The following KSR2 variants were observed in gnomAD, a reference collection of about 807,000 sequenced individuals.
The protein encoded by KSR2 is kinase suppressor of ras 2.
KSR2 carries 25 observed loss-of-function variants against 107.8 expected under a neutral mutation model. The ratio of observed to expected loss-of-function variants is 0.23; its 90% CI spans 0.17 to 0.32. The LOEUF (loss-of-function observed/expected upper bound fraction) is 0.32. Among genes scored for constraint, KSR2 ranks in the 10% least tolerant of loss-of-function variants. The probability of loss-of-function intolerance (pLI) is 1.00; values close to 1 mark genes in which losing one functional copy is unlikely to be tolerated. For missense variants in KSR2, 887 were observed against 1,268.9 expected (o/e 0.70, Z 4.57); for synonymous variants, 480 against 507.0 (o/e 0.95, Z 0.71).
intron 4 of KSR2, among the ~76,000 whole-genome samples, chr12:117,689,656 T>G (rs989146639): frequency 2.6e-5 from 4 of 152,146 alleles, no homozygotes; most frequent in Admixed American, 6.5e-5. Context: ...CCAAGATACA[T>G]TGATTTATGA....
intron 16 of KSR2, among the ~76,000 whole-genome samples, chr12:117,483,328 A>G (rs982246411): frequency 6.6e-6 from 1 of 152,114 alleles, no homozygotes; most frequent in Non-Finnish European, 1.5e-5. Flanking sequence ...ATATAACACA[A>G]ACAAGATTCA....
chr12:117,939,961 AC>A (rs1895960298), intron 1 of KSR2, among the ~76,000 whole-genome samples: 1 of 151,440 alleles, frequency 6.6e-6, no homozygotes, highest in Non-Finnish European at 1.5e-5. Context: ...ACACACACAC[AC>A]ACACACACAC....
rs150283519 is a variant in KSR2, at chr12:117,538,203, G to A, written c.1687+1516C>T. On this transcript the variant is annotated intron_variant, in intron 10 of 19. Transcript: ENST00000339824. Reference sequence around the variant, plus strand: ...CTGTGGAAGTGCCGGGCAATGAATCGGTGGCATTTACTAAGACGATTCAGC... The same window carrying A: ...CTGTGGAAGTGCCGGGCAATGAATCAGTGGCATTTACTAAGACGATTCAGC... 3.8e-3 allele frequency among the ~76,000 whole-genome samples: 585 copies of A among 152,200 alleles called. 8 individuals are homozygous for A. Among genetic ancestry groups the A allele is most frequent in the African/African-American group, 0.014 (562 of 41,522 alleles).
intron 7 of KSR2, among the ~76,000 whole-genome samples, chr12:117,570,723 C>T (rs543355921): frequency 3.3e-5 from 5 of 152,282 alleles, no homozygotes; most frequent in Admixed American, 2.6e-4. Context: ...TCATTATTAT[C>T]GGGGCATGAA....
At chr12:117,752,323 T>C (rs1442971163) in intron 4 of KSR2, among the ~76,000 whole-genome samples, 4 of 152,144 alleles carry the variant, frequency 2.6e-5, no homozygotes, top group Non-Finnish European at 5.9e-5. Flanking sequence ...CACAGCGACA[T>C]GTACCAAGGA....
intron 7 of KSR2, among the ~76,000 whole-genome samples, chr12:117,570,648 G>A (rs1305325626): frequency 6.6e-6 from 1 of 152,116 alleles, no homozygotes; most frequent in Non-Finnish European, 1.5e-5. Flanking sequence ...TATAAAGTCG[G>A]GTTTTGCAAC....
At chr12:117,817,964 G>A (rs1280261212) in intron 3 of KSR2, among the ~76,000 whole-genome samples, 1 of 152,146 alleles carries the variant, frequency 6.6e-6, no homozygotes, top group Non-Finnish European at 1.5e-5. Context: ...AGCCAGGCGT[G>A]GTGGTGCATG....
At chr12:117,640,822 A>G (rs1883322805) in intron 5 of KSR2, among the ~76,000 whole-genome samples, 1 of 152,174 alleles carries the variant, frequency 6.6e-6, no homozygotes, top group Non-Finnish European at 1.5e-5. Flanking sequence ...CTGTGAGGTT[A>G]TCACTCGAAC....
chr12:117,819,201 A>G (rs182577398), intron 3 of KSR2, among the ~76,000 whole-genome samples: 29 of 152,266 alleles, frequency 1.9e-4, no homozygotes, highest in African/African-American at 7.0e-4. Context: ...TCAAGGATTG[A>G]CCACCCAGAA....
intron 5 of KSR2, among the ~76,000 whole-genome samples, chr12:117,587,190 C>T (rs1217110262): frequency 6.6e-6 from 1 of 152,150 alleles, no homozygotes; most frequent in Non-Finnish European, 1.5e-5. Flanking sequence ...TCCCTGGAAC[C>T]TGGGAGTATG....
intron 2 of KSR2, among the ~76,000 whole-genome samples, chr12:117,858,891 C>T (rs1893187626): frequency 6.6e-6 from 1 of 152,174 alleles, no homozygotes; most frequent in South Asian, 2.1e-4. Context: ...ATCCTAAGTG[C>T]AAAACCCTTT....
At chr12:117,618,571 C>T (rs201301727) in intron 5 of KSR2, among the ~76,000 whole-genome samples, 1 of 152,178 alleles carries the variant, frequency 6.6e-6, no homozygotes, top group Non-Finnish European at 1.5e-5. Context: ...CCATAATTCC[C>T]TCATGTTGTG....
At chr12:117,715,230 T>A (rs1886934055) in intron 4 of KSR2, among the ~76,000 whole-genome samples, 1 of 152,216 alleles carries the variant, frequency 6.6e-6, no homozygotes, top group Non-Finnish European at 1.5e-5. Flanking sequence ...GAAGCAGAGC[T>A]GTAATTAACA....
At chr12:117,467,382 C>G (rs774415595) in intron 19 of KSR2, among the ~76,000 whole-genome samples, 177 bp from the exon 20 acceptor site, 4 of 152,224 alleles carry the variant, frequency 2.6e-5, no homozygotes, top group Non-Finnish European at 4.4e-5. Context: ...ATGCTGGGCT[C>G]TGCCACACAC....
At chr12:117,937,258 C>A (rs2137520681) in intron 1 of KSR2, among the ~76,000 whole-genome samples, 1 of 152,314 alleles carries the variant, frequency 6.6e-6, no homozygotes, top group African/African-American at 2.4e-5. Context: ...CATAACTCTG[C>A]AGAGACATTT....
At chr12:117,954,490 C>G (rs1896450836) in intron 1 of KSR2, among the ~76,000 whole-genome samples, 2 of 152,342 alleles carry the variant, frequency 1.3e-5, no homozygotes, top group South Asian at 4.1e-4. Context: ...CCTTCTGTCA[C>G]CTGCAGCCTA....
intron 3 of KSR2, among the ~76,000 whole-genome samples, chr12:117,832,399 T>C (rs1160119053): frequency 6.6e-6 from 1 of 152,208 alleles, no homozygotes; most frequent in African/African-American, 2.4e-5. Context: ...CCCCTCTTCT[T>C]TGCTAATGGC....
At chr12:117,550,271 A>G (rs2137317901) in intron 9 of KSR2, among the ~76,000 whole-genome samples, 1 of 152,288 alleles carries the variant, frequency 6.6e-6, no homozygotes, top group Admixed American at 6.5e-5. Flanking sequence ...TGTGCCAAGT[A>G]ATAAGAAATT....
At chr12:117,581,332 CCCAA>C (rs1236643812) in intron 6 of KSR2, among the ~76,000 whole-genome samples, 1 of 152,132 alleles carries the variant, frequency 6.6e-6, no homozygotes, top group Non-Finnish European at 1.5e-5. Flanking sequence ...CCACGAGCTC[CCCAA>C]GGGAACAGGC....
Sources: allele counts gnomAD v4.1 joint callset (sites outside exome capture counted in the v4.1 genomes callset), GRCh38; gene constraint gnomAD v4.1.1; transcripts MANE v1.5; gene names NCBI Gene and HGNC (gene_info 2026-07-23, HGNC 2026-07-21).